Variants in ZRANB2 observed in about 807,000 individuals in gnomAD.
ZRANB2 encodes the protein zinc finger RANBP2-type containing 2, also known as zinc finger Ran-binding domain-containing protein 2.
In ZRANB2, 19 loss-of-function variants were observed where a neutral mutation model predicts 53.4. That is an observed-to-expected ratio of 0.36 (90% CI 0.25 to 0.52). The LOEUF is 0.52. Among genes scored for constraint, ZRANB2 ranks in the 20% least tolerant of loss-of-function variants. ZRANB2 has a pLI of 0.93. For synonymous variants in ZRANB2, 145 were observed against 134.8 expected (o/e 1.08, Z -0.52); for missense variants, 309 against 401.1 (o/e 0.77, Z 1.96).
rs113685565 is a variant in ZRANB2, at chr1:71,078,527, T to C, written c.148A>G (p.Thr50Ala). The change falls in exon 3 of 10, where the codon ACT becomes GCT. Residue 50 changes from threonine to alanine, a missense_variant. By Grantham distance (58) the Thr-to-Ala change is moderately conservative (BLOSUM62 0). Coordinates refer to ENST00000370920, the MANE Select transcript of ZRANB2 (RefSeq NM_203350.3). ...TCTGCAAGTGTCTTTCCTATTTCAGTGCCCCCAGCTTTCATCATCTTGGCC... is the reference window on the plus strand; with the variant it reads ...TCTGCAAGTGTCTTTCCTATTTCAGCGCCCCCAGCTTTCATCATCTTGGCC... ...TEAKMMKAGG[T>A]EIGKTLAEKS... The C allele has an allele frequency of 1.9e-6, 3 of 1,614,050 alleles. No homozygotes were observed. The highest frequency in any genetic ancestry group is 2.5e-6 in the Non-Finnish European group (3 of 1,179,970).
intron 5 of ZRANB2, 76 bp downstream of exon 5, chr1:71,072,394 GTT>G: frequency 2.0e-6 from 3 of 1,478,702 alleles, no homozygotes; most frequent in Non-Finnish European, 2.7e-6. Flanking sequence ...TTAAAAAAAA[GTT>G]TGTTTTCCTT....
intron 1 of ZRANB2, 23 bp downstream of exon 1, chr1:71,080,916 AT>A (rs755440829): frequency 1.2e-6 from 2 of 1,613,908 alleles, no homozygotes; most frequent in Non-Finnish European, 1.7e-6. Context: ...CTCCGTCCCA[AT>A]TCAGGACCCT....
intron 7 of ZRANB2, among the ~76,000 whole-genome samples, chr1:71,070,495 C>T (rs1185997219): frequency 1.3e-5 from 2 of 152,066 alleles, no homozygotes; most frequent in African/African-American, 4.8e-5. Context: ...ATACAGATCT[C>T]CCCTTTACTT....
In ZRANB2 at chr1:71,081,007, C is replaced by G. The variant is rs777381262; in HGVS notation, c.-12G>C. ...TTCTTGGTCGACATCTTGAACGCCA[C>G]CAGCACAGCCACCCGCAGCTATGTC... On this transcript the variant is annotated 5_prime_UTR_variant, in exon 1 of 10. Transcript: ENST00000370920. 1 of 1,614,032 alleles carries G rather than the reference C, an allele frequency of 6.2e-7. No individual in the cohort carries two copies. Among genetic ancestry groups the G allele is most frequent in the African/African-American group, 1.3e-5 (1 of 74,912 alleles).
intron 4 of ZRANB2, among the ~76,000 whole-genome samples, chr1:71,074,274 T>C (rs1661658443): frequency 6.6e-6 from 1 of 152,152 alleles, no homozygotes; most frequent in Admixed American, 6.5e-5. Context: ...AATTCTGGAA[T>C]CATCTAATGA....
At chr1:71,069,463 T>C (rs1661547569) in intron 7 of ZRANB2, 101 bp from the exon 8 acceptor site, 1 of 759,340 alleles carries the variant, frequency 1.3e-6, no homozygotes, top group African/African-American at 1.8e-5. Flanking sequence ...CATTTTCATA[T>C]AAAAAGATAA....
chr1:71,080,950 G>A lies in ZRANB2; in HGVS notation c.46C>T (p.Pro16Ser). 1 of 1,614,068 alleles carries A rather than the reference G, an allele frequency of 6.2e-7. No individual in the cohort carries two copies. Among genetic ancestry groups the A allele is most frequent in the Non-Finnish European group, 8.5e-7 (1 of 1,180,006 alleles). The change falls in exon 1 of 10, where the codon CCT becomes TCT. Residue 16 changes from proline to serine, a missense_variant. Pro to Ser is a moderately conservative substitution (Grantham distance 74, BLOSUM62 -1). Coordinates refer to ENST00000370920, the MANE Select transcript of ZRANB2 (RefSeq NM_203350.3). ...CCTTCTTGAACTCACTTTTTGTCAGGGCAAATCCAGTCCCCGTCACTGACT... is the reference window on the plus strand; with the variant it reads ...CCTTCTTGAACTCACTTTTTGTCAGAGCAAATCCAGTCCCCGTCACTGACT... ...FRVSDGDWICPDKKCGNVNFA... is the reference protein window; with the variant it reads ...FRVSDGDWICSDKKCGNVNFA...
Position 71,069,317 on chromosome 1 carries a change from G to A in ZRANB2, c.729C>T (p.Ser243=). 1 of 1,612,704 alleles carries A rather than the reference G, an allele frequency of 6.2e-7. No homozygotes were observed. Among genetic ancestry groups the A allele is most frequent in the East Asian group, 2.2e-5 (1 of 44,806 alleles). The stretch of plus-strand genomic sequence containing the variant: ...GAGATCTCGAACGTTCTCTGGAACT[G>A]GAACGAGATCTTGACTGCGAACTGG... The part of the protein sequence containing the change: ...SSSSSQSRSR[S]SSRERSRSRG... The change falls in exon 8 of 10, where the codon TCC becomes TCT. Residue 243 remains serine (S), a synonymous_variant. Transcript: ENST00000370920.
At chr1:71,069,245 C>T (rs559017803) in intron 8 of ZRANB2, 31 bp downstream of exon 8, 2 of 1,553,268 alleles carry the variant, frequency 1.3e-6, no homozygotes, top group Non-Finnish European at 1.8e-6. Flanking sequence ...ATTTTTCTCT[C>T]TGCTTTACAG....
chr1:71,081,019 C>T lies in ZRANB2; in HGVS notation c.-24G>A, dbSNP rs1246143639. 4 of 1,614,126 alleles carry T rather than the reference C, an allele frequency of 2.5e-6. No individual in the cohort carries two copies. The highest frequency in any genetic ancestry group is 3.4e-6 in the Non-Finnish European group (4 of 1,180,014). On this transcript the variant is annotated 5_prime_UTR_variant, in exon 1 of 10. It adds an upstream start codon to the 5' untranslated region. Transcript: ENST00000370920. ...ATCTTGAACGCCACCAGCACAGCCA[C>T]CCGCAGCTATGTCTTCACAGGAGGA...
In ZRANB2 at chr1:71,076,782, G is replaced by A. The variant is rs1233227484; in HGVS notation, c.301+13C>T. 2 of 1,576,286 alleles carry A rather than the reference G, an allele frequency of 1.3e-6. No homozygotes were observed. The highest frequency in any genetic ancestry group is 1.4e-5 in the African/African-American group (1 of 73,744). The stretch of plus-strand genomic sequence containing the variant: ...AAAAAAAATCATTTAGTTACAATGT[G>A]GTTTTATCATACCTGTTCTTTCTTC... On this transcript the variant is annotated intron_variant, in intron 4 of 9. Transcript: ENST00000370920.
At chr1:71,069,959 C>T (rs953112739) in intron 7 of ZRANB2, among the ~76,000 whole-genome samples, 9 of 152,114 alleles carry the variant, frequency 5.9e-5, no homozygotes, top group African/African-American at 2.2e-4. Flanking sequence ...ATCTAATTTA[C>T]AACTATAATT....
At chr1:71,073,560 T>C (rs1469091623) in intron 4 of ZRANB2, among the ~76,000 whole-genome samples, 1 of 151,952 alleles carries the variant, frequency 6.6e-6, no homozygotes, top group Non-Finnish European at 1.5e-5. Context: ...AAACCCACAC[T>C]AATATAGCAT....
intron 9 of ZRANB2, chr1:71,065,628 T>C: frequency 7.8e-6 from 12 of 1,547,448 alleles, no homozygotes; most frequent in Non-Finnish European, 1.0e-5. Context: ...ATTGTACAAT[T>C]TGCTATAGGG....
intron 3 of ZRANB2, 42 bp downstream of exon 3, chr1:71,078,414 AT>A: frequency 6.5e-7 from 1 of 1,544,126 alleles, no homozygotes; most frequent in Non-Finnish European, 8.9e-7. Flanking sequence ...GGCCAGATCT[AT>A]TATTTTGGAA....
intron 9 of ZRANB2, chr1:71,066,019 C>T: frequency 3.5e-6 from 1 of 284,812 alleles, no homozygotes. Context: ...CTGAACCCAG[C>T]AATTAATAGA....
intron 9 of ZRANB2, 96 bp downstream of exon 9, chr1:71,066,680 A>G: frequency 1.5e-6 from 2 of 1,311,750 alleles, no homozygotes; most frequent in South Asian, 2.9e-5. Context: ...TCGGAACACA[A>G]GAGATAATAA....
intron 4 of ZRANB2, among the ~76,000 whole-genome samples, chr1:71,073,450 TAG>T (rs1661636810): frequency 6.6e-6 from 1 of 151,850 alleles, no homozygotes; most frequent in African/African-American, 2.4e-5. Context: ...AAATATTAAA[TAG>T]ATTTATAATA....
intron 1 of ZRANB2, among the ~76,000 whole-genome samples, chr1:71,079,386 C>T (rs771921731): frequency 1.3e-5 from 2 of 152,132 alleles, no homozygotes; most frequent in Non-Finnish European, 2.9e-5. Context: ...CTGGTTCACT[C>T]ACATGACCTT....
Sources: allele counts gnomAD v4.1 joint callset (sites outside exome capture counted in the v4.1 genomes callset), GRCh38; gene constraint gnomAD v4.1.1; transcripts MANE v1.5; gene names NCBI Gene and HGNC (gene_info 2026-07-23, HGNC 2026-07-21).